FAAH: variants seen among roughly 807,000 people sequenced by gnomAD.
The protein encoded by FAAH is fatty-acid amide hydrolase 1.
In FAAH, 63 loss-of-function variants were observed where a neutral mutation model predicts 69.7. That is an observed-to-expected ratio of 0.90 (90% CI 0.74 to 1.12). The LOEUF (loss-of-function observed/expected upper bound fraction) is 1.12. Ranked by LOEUF, FAAH falls within the 50% of genes most tolerant of loss-of-function variation. FAAH has a pLI of 0.00. For synonymous variants in FAAH, 305 were observed against 324.2 expected (o/e 0.94, Z 0.64); for missense variants, 680 against 755.0 (o/e 0.90, Z 1.16).
At chr1:46,406,157 G>T in intron 6 of FAAH, 79 bp downstream of exon 6, 1 of 1,613,492 alleles carries the variant, frequency 6.2e-7, no homozygotes, top group South Asian at 1.1e-5. Context: ...TTCTCAGGTG[G>T]CAGGGCAGTG....
chr1:46,398,391 C>A (rs1184497665), intron 1 of FAAH, among the ~76,000 whole-genome samples: 1 of 152,174 alleles, frequency 6.6e-6, no homozygotes, highest in Non-Finnish European at 1.5e-5. Flanking sequence ...TCTGGGCAAC[C>A]TTTCTTCTGG....
Position 46,405,231 on chromosome 1 carries a change from T to G in FAAH, c.444+83T>G. 2 of 1,611,960 alleles carry G rather than the reference T, an allele frequency of 1.2e-6. No homozygotes were observed. Among genetic ancestry groups the G allele is most frequent in the Non-Finnish European group, 1.7e-6 (2 of 1,179,638 alleles). On this transcript the variant is annotated intron_variant, in intron 3 of 14. Transcript: ENST00000243167. The surrounding 1 kb of genome is among the most constrained non-coding windows in gnomAD (Gnocchi z 4.1). ...CTGCATCTTGGGTCATTTTGGGCCC[T>G]TAGAGGAGGTATCAGGTCCAGAGGC... is the stretch of plus-strand genomic sequence containing the variant.
intron 2 of FAAH, among the ~76,000 whole-genome samples, chr1:46,402,686 GA>G (rs1159583089): frequency 1.3e-5 from 2 of 148,840 alleles, no homozygotes; most frequent in Admixed American, 6.7e-5. Flanking sequence ...CTAATGAAAA[GA>G]AAAAAAATTT....
At position 46,410,369 on chromosome 1, in the gene FAAH, G is replaced by A. The variant is rs774516105; in HGVS notation, c.1176-29G>A. ...AGCTGGGAAGGATGTGGGGATGGGAGTGCCTGGACCGAGCATTTTGTTTCC... is the reference window on the plus strand; with the variant it reads ...AGCTGGGAAGGATGTGGGGATGGGAATGCCTGGACCGAGCATTTTGTTTCC... On this transcript the variant is annotated intron_variant, in intron 9 of 14. Transcript: ENST00000243167. The surrounding 1 kb of genome is among the most constrained non-coding windows in gnomAD (Gnocchi z 4.9). The A allele has an allele frequency of 7.6e-6, 12 of 1,582,410 alleles. No homozygotes were observed. The South Asian group carries it at 1.1e-4, about 15-fold the overall frequency.
At position 46,407,258 on chromosome 1, in the gene FAAH, TCTG is replaced by T. The variant is rs1417029869; in HGVS notation, c.951+894_951+896del. On this transcript the variant is annotated intron_variant, in intron 7 of 14. Coordinates refer to ENST00000243167, the MANE Select transcript of FAAH (RefSeq NM_001441.3). ...TCAGAGGGCAGGAAGGGTGGGGAGA[TCTG>T]CTGAGATTTTGAAGTCTGGTTTAAG... is the stretch of plus-strand genomic sequence containing the variant. Among the ~76,000 whole-genome samples, 3 of 152,168 alleles carry T rather than the reference TCTG, an allele frequency of 2.0e-5. No homozygotes were observed. In the South Asian group the frequency reaches 6.2e-4, roughly 32 times the overall value.
chr1:46,404,889 A>G lies in FAAH; in HGVS notation c.310-125A>G, dbSNP rs1664762320. 1 of 1,286,276 alleles carries G rather than the reference A, an allele frequency of 7.8e-7. No homozygotes were observed. Among genetic ancestry groups the G allele is most frequent in the East Asian group, 2.4e-5 (1 of 41,606 alleles). 79.7% of individuals were successfully genotyped at this position (1,286,276 alleles called of 1,614,324 possible). ...TCCTCTGTGCCCCAGGCTCTGGGCC[A>G]TGTTGCTGGTTACCCCTCTCCCTGG... On this transcript the variant is annotated intron_variant, in intron 2 of 14. Coordinates refer to ENST00000243167, the MANE Select transcript of FAAH (RefSeq NM_001441.3). This position sits in a 1 kb window ranked among gnomAD's most constrained non-coding sequence, Gnocchi z 4.5.
In FAAH at chr1:46,413,834, AG is replaced by A; in HGVS notation, c.*260del. Reference sequence around the variant, plus strand: ...TGACATAGGCCAAGGCCCAACTAACAGTCAAGAAACAGCTCCTCGTCTGTGT... The same window carrying A: ...TGACATAGGCCAAGGCCCAACTAACATCAAGAAACAGCTCCTCGTCTGTGT... On this transcript the variant is annotated 3_prime_UTR_variant, in exon 15 of 15. Coordinates refer to ENST00000243167, the MANE Select transcript of FAAH (RefSeq NM_001441.3). 1.9e-6 allele frequency: 1 copy of A among 518,712 alleles called. No homozygotes were observed. The highest frequency in any genetic ancestry group is 3.2e-5 in the Admixed American group (1 of 31,580). The allele number at this position is 518,712 out of a possible 1,614,324, so 32.1% of individuals were successfully genotyped here.
At position 46,394,454 on chromosome 1, in the gene FAAH, A is replaced by G. The variant is rs1386887767; in HGVS notation, c.106A>G (p.Thr36Ala). The G allele has an allele frequency of 1.5e-6, 2 of 1,377,542 alleles. No individual in the cohort carries two copies. The highest frequency in any genetic ancestry group is 1.9e-6 in the Non-Finnish European group (2 of 1,073,688). 85.3% of individuals were successfully genotyped at this position (1,377,542 alleles called of 1,614,324 possible). Residue 36 changes from threonine to alanine, a missense_variant, in exon 1 of 15, where the codon ACG becomes GCG. Coordinates refer to ENST00000243167, the MANE Select transcript of FAAH (RefSeq NM_001441.3). ...AVALRWSGRR[T>A]ARGAVVRARQ... ...GGCCCTGCGCTGGTCCGGGCGCCGG[A>G]CGGCGCGGGGCGCGGTGGTCCGGGC...
chr1:46,413,102 A>G lies in FAAH; in HGVS notation c.1493A>G (p.Asn498Ser), dbSNP rs1359614780. ...TGAVSYTMLYNCLDFPAGVVP... is the reference protein window; with the variant it reads ...TGAVSYTMLYSCLDFPAGVVP... ...GCCGTCAGCTACACTATGCTGTACA[A>G]CTGCCTGGACTTCCCTGCAGGGGTG... Residue 498 changes from asparagine (N) to serine (S), a missense_variant, in exon 14 of 15, where the codon AAC becomes AGC. Transcript: ENST00000243167. 1 of 1,614,158 alleles carries G rather than the reference A, an allele frequency of 6.2e-7. No individual in the cohort carries two copies. Among genetic ancestry groups the G allele is most frequent in the Non-Finnish European group, 8.5e-7 (1 of 1,180,012 alleles).
chr1:46,413,083 A>C lies in FAAH; in HGVS notation c.1474A>C (p.Ser492Arg). ...CCTGTAATGTGTTCCAGGGGCCGTC[A>C]GCTACACTATGCTGTACAACTGCCT... ...NAPGRATGAV[S>R]YTMLYNCLDF... Residue 492 changes from serine (S) to arginine (R), a missense_variant, in exon 14 of 15, where the codon AGC becomes CGC. Ser to Arg is a moderately radical substitution (Grantham distance 110, BLOSUM62 -1). Transcript: ENST00000243167. The C allele has an allele frequency of 6.2e-7, 1 of 1,614,184 alleles. No homozygotes were observed. The highest frequency in any genetic ancestry group is 8.5e-7 in the Non-Finnish European group (1 of 1,180,002).
chr1:46,410,942 A>T lies in FAAH; in HGVS notation c.1316+88A>T, dbSNP rs745960526. On this transcript the variant is annotated intron_variant, in intron 11 of 14. Transcript: ENST00000243167. The surrounding 1 kb of genome is among the most constrained non-coding windows in gnomAD (Gnocchi z 4.9). ...GTAGTTTCTGACAGGAAAGGACTTG[A>T]GGGAAGTAGCCTCTGAGGCTGGAAG... is the stretch of plus-strand genomic sequence containing the variant. 2.6e-5 allele frequency: 40 copies of T among 1,548,346 alleles called. No individual in the cohort carries two copies. The highest frequency in any genetic ancestry group is 4.5e-6 in the Non-Finnish European group (5 of 1,121,198).
At position 46,411,537 on chromosome 1, in the gene FAAH, G is replaced by T; in HGVS notation, c.1317-75G>T. The T allele has an allele frequency of 6.6e-7, 1 of 1,510,714 alleles. No homozygotes were observed. The highest frequency in any genetic ancestry group is 9.2e-7 in the Non-Finnish European group (1 of 1,091,832). 93.6% of individuals were successfully genotyped at this position (1,510,714 alleles called of 1,614,324 possible). A position where few individuals can be genotyped will look rare whatever the true frequency, so the allele number is the denominator to read the frequency against. ...ACGGAGGGGTGAGATCTAGAGGGTT[G>T]GCAGTAGGGGTCTGATGTTGCTGAT... is the stretch of plus-strand genomic sequence containing the variant. On this transcript the variant is annotated intron_variant, in intron 11 of 14. Coordinates refer to ENST00000243167, the MANE Select transcript of FAAH (RefSeq NM_001441.3). This position sits in a 1 kb window ranked among gnomAD's most constrained non-coding sequence, Gnocchi z 4.8.
Position 46,404,620 on chromosome 1 carries a change from T to C in FAAH, c.310-394T>C, listed in dbSNP as rs60322779. Reference sequence around the variant, plus strand: ...GGTTGCCCTTCAGTGTGACCAGTGATGGGGCGCTGCCCCTGTCTGGTTTCT... The same window carrying C: ...GGTTGCCCTTCAGTGTGACCAGTGACGGGGCGCTGCCCCTGTCTGGTTTCT... On this transcript the variant is annotated intron_variant, in intron 2 of 14. Transcript: ENST00000243167. The surrounding 1 kb of genome is among the most constrained non-coding windows in gnomAD (Gnocchi z 4.5). 6.6e-3 allele frequency among the ~76,000 whole-genome samples: 1,004 copies of C among 152,304 alleles called. 11 individuals carry two copies. The highest frequency in any genetic ancestry group is 0.041 in the Middle Eastern group (12 of 294).
intron 14 of FAAH, 60 bp downstream of exon 14, chr1:46,413,280 G>A: frequency 1.2e-6 from 2 of 1,613,092 alleles, no homozygotes; most frequent in East Asian, 4.5e-5. Flanking sequence ...GGCCGCTGTG[G>A]AGGAAACAGT....
At chr1:46,399,326 T>A (rs1664656019) in intron 1 of FAAH, among the ~76,000 whole-genome samples, 1 of 152,224 alleles carries the variant, frequency 6.6e-6, no homozygotes, top group Admixed American at 6.5e-5. Flanking sequence ...CTTCCCTGCA[T>A]TCTCCGCAAA....
At chr1:46,413,021 A>G (rs970407388) in intron 13 of FAAH, 54 bp from the exon 14 acceptor site, 1 of 1,609,230 alleles carries the variant, frequency 6.2e-7, no homozygotes, top group Non-Finnish European at 8.5e-7. Context: ...TCAGGCCCGG[A>G]GTTGGCACTG....
chr1:46,399,055 A>G (rs45619038), intron 1 of FAAH, among the ~76,000 whole-genome samples: 4,770 of 152,270 alleles, frequency 0.031, 251 homozygotes, highest in African/African-American at 0.11. Flanking sequence ...CCATCAATAG[A>G]ATAGTATAGC....
rs1664755456 is a variant in FAAH, at chr1:46,404,430, A to G, written c.310-584A>G. Among the ~76,000 whole-genome samples the G allele has an allele frequency of 1.3e-5, 2 of 152,238 alleles. No individual in the cohort carries two copies. The highest frequency in any genetic ancestry group is 4.2e-4 in the South Asian group (2 of 4,814). ...TTCTAGGCAGATTTCCACTATTAGC[A>G]TGTTCTTCCCTTTTGTCAAGCTCCT... On this transcript the variant is annotated intron_variant, in intron 2 of 14. Transcript: ENST00000243167. This position sits in a 1 kb window ranked among gnomAD's most constrained non-coding sequence, Gnocchi z 4.5.
chr1:46,394,372 C>A lies in FAAH; in HGVS notation c.24C>A (p.Ala8=), dbSNP rs778363361. 3.9e-6 allele frequency: 6 copies of A among 1,547,570 alleles called. No individual in the cohort carries two copies. Among genetic ancestry groups the A allele is most frequent in the Non-Finnish European group, 5.2e-6 (6 of 1,152,024 alleles). The change falls in exon 1 of 15, where the codon GCC becomes GCA. Residue 8 remains alanine (A), a synonymous_variant. Transcript: ENST00000243167. ...TCATGGTGCAGTACGAGCTGTGGGC[C>A]GCGCTGCCTGGCGCCTCCGGGGTCG... MVQYELW[A]ALPGASGVAL...
Sources: allele counts gnomAD v4.1 joint callset (sites outside exome capture counted in the v4.1 genomes callset), GRCh38; gene constraint gnomAD v4.1.1; non-coding constraint Gnocchi (gnomAD v3.1); transcripts MANE v1.5; gene names NCBI Gene and HGNC (gene_info 2026-07-23, HGNC 2026-07-21).